ADAMTS15: variants seen among roughly 807,000 people sequenced by gnomAD.
ADAMTS15 encodes the protein A disintegrin and metalloproteinase with thrombospondin motifs 15.
A neutral mutation model predicts 79.1 loss-of-function variants in ADAMTS15; 35 were observed. The ratio of observed to expected loss-of-function variants is 0.44; its 90% CI spans 0.34 to 0.59. The LOEUF (loss-of-function observed/expected upper bound fraction) is 0.59, where lower values mean the gene tolerates loss of function less well. ADAMTS15 is among the 20% of genes least tolerant of loss of function. ADAMTS15 has a pLI of 0.02. For synonymous variants in ADAMTS15, 616 were observed against 567.3 expected, an observed-to-expected ratio of 1.09 and a Z score of -1.22; for missense variants, 1,324 against 1,318.7, an observed-to-expected ratio of 1.00 and a Z score of -0.06.
chr11:130,457,218 G>A (rs867030731), intron 1 of ADAMTS15, among the ~76,000 whole-genome samples: 16 of 148,054 alleles, frequency 1.1e-4, no homozygotes, highest in African/African-American at 3.6e-4. Context: ...GCAACAGAGC[G>A]AGACTCAGTC....
At chr11:130,465,776 C>G (rs1240331115) in intron 4 of ADAMTS15, among the ~76,000 whole-genome samples, 1 of 151,628 alleles carries the variant, frequency 6.6e-6, no homozygotes, top group African/African-American at 2.4e-5. Context: ...CACTGCCTCT[C>G]GGTTGTCCTC....
In ADAMTS15 at chr11:130,449,625, C is replaced by G. The variant is rs1435820421; in HGVS notation, c.652C>G (p.Arg218Gly). ...CGCCAAGCGTTTCGTGTCTATCCCGCGGTACGTGGAGACGCTGGTGGTCGC... is the reference window on the plus strand; with the variant it reads ...CGCCAAGCGTTTCGTGTCTATCCCGGGGTACGTGGAGACGCTGGTGGTCGC... The part of the protein sequence containing the change: ...GRAKRFVSIP[R>G]YVETLVVADE... The change falls in exon 1 of 8, where the codon CGG (arginine) becomes GGG (glycine). Residue 218 changes from arginine (R) to glycine (G), a missense_variant. Arg to Gly is a moderately radical substitution (Grantham distance 125). Coordinates refer to ENST00000299164, the MANE Select transcript of ADAMTS15 (RefSeq NM_139055.4). This position sits in a 1 kb window ranked among gnomAD's most constrained non-coding sequence, Gnocchi z 7.8. 1 of 1,604,692 alleles carries G rather than the reference C, an allele frequency of 6.2e-7. No individual in the cohort carries two copies. The highest frequency in any genetic ancestry group is 1.3e-5 in the African/African-American group (1 of 74,968).
chr11:130,470,158 A>ATATATATATATATG (rs1938403948), intron 5 of ADAMTS15, among the ~76,000 whole-genome samples: 8 of 50,024 alleles, frequency 1.6e-4, no homozygotes, highest in East Asian at 4.4e-4. Context: ...ATATGTGTAT[A>ATATATATATATATG]TATATATATA....
In ADAMTS15 at chr11:130,469,418, C is replaced by T; in HGVS notation, c.1699C>T (p.Leu567=). ...GAGGGTGAAATACCGATCCTGCAAT[C>T]TGGAGCCCTGCCCCAGCTCAGGTGA... ...GVRVKYRSCN[L]EPCPSSASGK... is the part of the protein sequence containing the mutation. The change falls in exon 5 of 8, where the codon CTG becomes TTG. Residue 567 remains leucine, a synonymous_variant. Coordinates refer to ENST00000299164, the MANE Select transcript of ADAMTS15 (RefSeq NM_139055.4). 1 of 1,341,564 alleles carries T rather than the reference C, an allele frequency of 7.5e-7. No homozygotes were observed. Among genetic ancestry groups the T allele is most frequent in the South Asian group, 2.5e-5 (1 of 40,482 alleles). 83.1% of individuals were successfully genotyped at this position (1,341,564 alleles called of 1,614,324 possible). A position where few individuals can be genotyped will look rare whatever the true frequency, so the allele number is the denominator to read the frequency against.
At position 130,449,546 on chromosome 11, in the gene ADAMTS15, C is replaced by T. The variant is rs1157755039; in HGVS notation, c.573C>T (p.Tyr191=). 1.3e-6 allele frequency: 2 copies of T among 1,579,308 alleles called. No individual in the cohort carries two copies. The highest frequency in any genetic ancestry group is 3.4e-5 in the Admixed American group (2 of 58,214). ...CCATCCTACGGGCCCTGGACCCTTA[C>T]AAGCCGCGGCGGGCGGGCTTCGGGG... The part of the protein sequence containing the change: ...NPAILRALDP[Y]KPRRAGFGES... Residue 191 remains tyrosine, a synonymous_variant, in exon 1 of 8, where the codon TAC becomes TAT. Coordinates refer to ENST00000299164, the MANE Select transcript of ADAMTS15 (RefSeq NM_139055.4). The surrounding 1 kb of genome is among the most constrained non-coding windows in gnomAD (Gnocchi z 7.8).
chr11:130,470,172 A>ATATGTG lies in ADAMTS15; in HGVS notation c.1720+736_1720+737insGTGTAT, dbSNP rs1555081054. Among the ~76,000 whole-genome samples the ATATGTG allele has an allele frequency of 1.5e-4, 9 of 58,446 alleles. 1 individual carries two copies. The highest frequency in any genetic ancestry group is 8.0e-4 in the African/African-American group (8 of 10,042). 38.3% of individuals were successfully genotyped at this position (58,446 alleles called of 152,430 possible). On this transcript the variant is annotated intron_variant, in intron 5 of 7. Transcript: ENST00000299164. ...TATATGTGTATATATATATATATAT[A>ATATGTG]TATATATATGTGTGTATATATATAT...
At chr11:130,470,810 T>C (rs1193252713) in intron 5 of ADAMTS15, 110 bp from the exon 6 acceptor site, 3 of 1,230,500 alleles carry the variant, frequency 2.4e-6, no homozygotes, top group South Asian at 1.5e-5. Context: ...GCTTTGGTGA[T>C]GAGGGTGGGA....
At chr11:130,456,615 A>G (rs923649053) in intron 1 of ADAMTS15, among the ~76,000 whole-genome samples, 2 of 152,234 alleles carry the variant, frequency 1.3e-5, no homozygotes, top group African/African-American at 4.8e-5. Context: ...TTAAAGGTAC[A>G]GTAGTAATAC....
chr11:130,463,462 G>T (rs544495828), intron 4 of ADAMTS15, among the ~76,000 whole-genome samples: 1 of 152,256 alleles, frequency 6.6e-6, no homozygotes, highest in South Asian at 2.1e-4. Context: ...GGTTTTGGGG[G>T]TAGGAGAGGG....
rs1301325391 is a variant in ADAMTS15 at position 130,470,133 on chromosome 11, C to CATATATATATATATATATGTGTATATAT, written c.1720+713_1720+740dup. Reference sequence around the variant, plus strand: ...CATTACTGAATCATATATATATATACATATATATATATATATATGTGTATA... The same window carrying CATATATATATATATATATGTGTATATAT: ...CATTACTGAATCATATATATATATACATATATATATATATATATGTGTATATATATATATATATATATATATGTGTATA... On this transcript the variant is annotated intron_variant, in intron 5 of 7. Transcript: ENST00000299164. 1.5e-3 allele frequency among the ~76,000 whole-genome samples: 111 copies of CATATATATATATATATATGTGTATATAT among 74,740 alleles called. 2 individuals carry two copies. The highest frequency in any genetic ancestry group is 0.012 in the Middle Eastern group (2 of 164). 49.0% of individuals were successfully genotyped at this position (74,740 alleles called of 152,430 possible). A position where few individuals can be genotyped will look rare whatever the true frequency, so the allele number is the denominator to read the frequency against.
In ADAMTS15 at chr11:130,449,290, A is replaced by G. The variant is rs772458565; in HGVS notation, c.317A>G (p.Asp106Gly). The G allele has an allele frequency of 3.7e-6, 6 of 1,611,712 alleles. No individual in the cohort carries two copies. Among genetic ancestry groups the G allele is most frequent in the Non-Finnish European group, 5.1e-6 (6 of 1,179,984 alleles). ...CTGCGACGCTGCTTCTATTCTGGGG[A>G]CGTGAACGCCGAGCCGGACTCGTTC... ...SDLRRCFYSG[D>G]VNAEPDSFAA... is the part of the protein sequence containing the mutation. Residue 106 changes from aspartate (D) to glycine (G), a missense_variant, in exon 1 of 8, where the codon GAC becomes GGC. By Grantham distance (94) the Asp-to-Gly change is moderately conservative. Transcript: ENST00000299164. This position sits in a 1 kb window ranked among gnomAD's most constrained non-coding sequence, Gnocchi z 7.8.
chr11:130,467,769 T>TA lies in ADAMTS15; in HGVS notation c.1543-1483dup, dbSNP rs201768863. The stretch of plus-strand genomic sequence containing the variant: ...CTCTTTCTACCCTGTTTAAAAAAAC[T>TA]AAAAAAAAAACCTAAAAAAAAAAAA... On this transcript the variant is annotated intron_variant, in intron 4 of 7. Coordinates refer to ENST00000299164, the MANE Select transcript of ADAMTS15 (RefSeq NM_139055.4). Among the ~76,000 whole-genome samples, 218 of 124,570 alleles carry TA rather than the reference T, an allele frequency of 1.8e-3. 1 individual carries two copies. The highest frequency in any genetic ancestry group is 3.9e-3 in the Middle Eastern group (1 of 254). The allele number at this position is 124,570 out of a possible 152,430, so 81.7% of individuals were successfully genotyped here. A position where few individuals can be genotyped will look rare whatever the true frequency, so the allele number is the denominator to read the frequency against.
Position 130,473,599 on chromosome 11 carries a change from C to G in ADAMTS15, c.2631C>G (p.Ala877=), listed in dbSNP as rs372046155. 1.2e-6 allele frequency: 2 copies of G among 1,609,764 alleles called. No homozygotes were observed. The highest frequency in any genetic ancestry group is 1.7e-6 in the Non-Finnish European group (2 of 1,178,972). ...RGSAGQRTVP[A]CDAAHRPVET... ...CCGCCGGGCAGCGCACGGTCCCTGC[C>G]TGTGATGCAGCCCATCGGCCCGTGG... Residue 877 remains alanine (A), a synonymous_variant, in exon 8 of 8, where the codon GCC becomes GCG. Coordinates refer to ENST00000299164, the MANE Select transcript of ADAMTS15 (RefSeq NM_139055.4).
chr11:130,454,772 A>G (rs916541969), intron 1 of ADAMTS15, among the ~76,000 whole-genome samples: 1 of 152,188 alleles, frequency 6.6e-6, no homozygotes, highest in Non-Finnish European at 1.5e-5. Context: ...GTTACATCAA[A>G]TGAGTTCACC....
chr11:130,454,358 T>C (rs761171583), intron 1 of ADAMTS15, among the ~76,000 whole-genome samples: 8 of 152,218 alleles, frequency 5.3e-5, no homozygotes, highest in African/African-American at 1.2e-4. Context: ...CTGTGTTTCA[T>C]TGGGGATGCC....
At position 130,449,938 on chromosome 11, in the gene ADAMTS15, G is replaced by C. The variant is rs1444127431; in HGVS notation, c.957+8G>C. The C allele has an allele frequency of 1.3e-6, 2 of 1,596,336 alleles. No individual in the cohort carries two copies. The highest frequency in any genetic ancestry group is 1.7e-5 in the Admixed American group (1 of 59,948). On this transcript the variant is annotated splice_region_variant and intron_variant, in intron 1 of 7. Transcript: ENST00000299164. This position sits in a 1 kb window ranked among gnomAD's most constrained non-coding sequence, Gnocchi z 7.8. Reference sequence around the variant, plus strand: ...ATCCTCTTCACCAGGCAGGTGAGTTGATCTGCCGTCACTTTGCACCCAGAT... The same window carrying C: ...ATCCTCTTCACCAGGCAGGTGAGTTCATCTGCCGTCACTTTGCACCCAGAT...
At chr11:130,468,734 C>T (rs1420638871) in intron 4 of ADAMTS15, among the ~76,000 whole-genome samples, 1 of 135,214 alleles carries the variant, frequency 7.4e-6, no homozygotes, top group Admixed American at 8.0e-5. Context: ...CACTGCAGTC[C>T]AGCCTGGGCG....
At chr11:130,470,164 A>ATG (rs1938406992) in intron 5 of ADAMTS15, among the ~76,000 whole-genome samples, 5 of 58,248 alleles carry the variant, frequency 8.6e-5, no homozygotes, top group Non-Finnish European at 3.2e-5. Flanking sequence ...GTATATATAT[A>ATG]TATATATATA....
Position 130,472,925 on chromosome 11 carries a change from T to G in ADAMTS15, c.2079-122T>G. On this transcript the variant is annotated intron_variant, in intron 7 of 7. Coordinates refer to ENST00000299164, the MANE Select transcript of ADAMTS15 (RefSeq NM_139055.4). This position sits in a 1 kb window ranked among gnomAD's most constrained non-coding sequence, Gnocchi z 4.7. ...GGGACCTCTCTGACTCCAAAACCTGTGCTTTTACTCCCATGCCAGAATTCA... is the reference window on the plus strand; with the variant it reads ...GGGACCTCTCTGACTCCAAAACCTGGGCTTTTACTCCCATGCCAGAATTCA... 7.1e-7 allele frequency: 1 copy of G among 1,414,158 alleles called. No homozygotes were observed. The highest frequency in any genetic ancestry group is 1.4e-5 in the South Asian group (1 of 73,704). The allele number at this position is 1,414,158 out of a possible 1,614,324, so 87.6% of individuals were successfully genotyped here.
Sources: gnomAD v4.1 joint callset for allele counts (sites outside exome capture counted in the v4.1 genomes callset) on GRCh38, gnomAD v4.1.1 for gene constraint, Gnocchi (gnomAD v3.1) non-coding constraint, MANE v1.5 for transcripts, NCBI Gene and HGNC (gene_info 2026-07-23, HGNC 2026-07-21) for gene names.